Variants in LRP1B observed in about 807,000 individuals in gnomAD.
The protein encoded by LRP1B is LDL receptor related protein 1B.
A neutral mutation model predicts 556.6 loss-of-function variants in LRP1B; 217 were observed. The ratio of observed to expected loss-of-function variants is 0.39; its 90% CI spans 0.35 to 0.44. The LOEUF is 0.44. Ranked by LOEUF, LRP1B falls within the 20% of genes least tolerant of loss-of-function variation. LRP1B has a pLI of 1.00. For missense variants in LRP1B, 5,053 were observed against 5,620.8 expected (o/e 0.90, Z 3.23); for synonymous variants, 2,047 against 1,865.8 (o/e 1.10, Z -2.50).
chr2:140,985,309 T>C (rs527526179), intron 17 of LRP1B, among the ~76,000 whole-genome samples: 21 of 151,666 alleles, frequency 1.4e-4, no homozygotes, highest in Admixed American at 1.1e-3. Flanking sequence ...TGCACTATTA[T>C]TTTGTAAAGA....
intron 35 of LRP1B, among the ~76,000 whole-genome samples, chr2:140,756,794 C>G (rs1417968008): frequency 6.6e-6 from 1 of 152,116 alleles, no homozygotes; most frequent in East Asian, 1.9e-4. Context: ...AAAGCACAAG[C>G]AACAAAAGAA....
In LRP1B at chr2:140,845,745, T is replaced by C. The variant is rs558682013; in HGVS notation, c.4939+4357A>G. Among the ~76,000 whole-genome samples the C allele has an allele frequency of 2.6e-5, 4 of 152,166 alleles. No individual in the cohort carries two copies. In the South Asian group the frequency reaches 8.3e-4, roughly 32 times the overall value. ...TCTTGTGATATTAAAAAATATAATA[T>C]AAAAAAGTAATTTTTGAATGTGTAA... On this transcript the variant is annotated intron_variant, in intron 29 of 90. Coordinates refer to ENST00000389484, the MANE Select transcript of LRP1B (RefSeq NM_018557.3).
intron 65 of LRP1B, among the ~76,000 whole-genome samples, chr2:140,443,473 A>T: frequency 6.6e-6 from 1 of 152,210 alleles, no homozygotes. Flanking sequence ...AAGAACTGGT[A>T]CTGACTTTAT....
intron 7 of LRP1B, among the ~76,000 whole-genome samples, chr2:141,107,466 T>C (rs1488285177): frequency 1.3e-5 from 2 of 152,044 alleles, no homozygotes; most frequent in Non-Finnish European, 2.9e-5. Context: ...GCCAACATGG[T>C]GAAACCCTTT....
rs562158183 is a variant in LRP1B, at chr2:141,872,533, T to A, written c.83-62132A>T. On this transcript the variant is annotated intron_variant, in intron 1 of 90. Transcript: ENST00000389484. ...CCTTAAAGAAAACAAAAGATAGAAT[T>A]AATATTTAAAATCATAATCTAAAAA... 1.1e-4 allele frequency among the ~76,000 whole-genome samples: 16 copies of A among 151,912 alleles called. No individual in the cohort carries two copies. In the South Asian group the frequency reaches 3.3e-3, roughly 31 times the overall value.
At chr2:140,446,177 A>G (rs1210451936) in intron 63 of LRP1B, among the ~76,000 whole-genome samples, 6 of 152,006 alleles carry the variant, frequency 3.9e-5, no homozygotes, top group Admixed American at 3.9e-4. Context: ...CCTTTCCTCT[A>G]TTTCATTTTG....
intron 2 of LRP1B, among the ~76,000 whole-genome samples, chr2:141,691,059 A>C (rs1647868806): frequency 6.6e-6 from 1 of 151,968 alleles, no homozygotes; most frequent in Non-Finnish European, 1.5e-5. Flanking sequence ...ACAGACTTGA[A>C]GAAATGACTT....
intron 18 of LRP1B, among the ~76,000 whole-genome samples, chr2:140,954,791 A>T (rs1695823914): frequency 6.6e-6 from 1 of 152,002 alleles, no homozygotes; most frequent in South Asian, 2.1e-4. Flanking sequence ...TATATATCAT[A>T]TGTGATTAAT....
At chr2:140,450,183 A>G (rs1686827125) in intron 63 of LRP1B, among the ~76,000 whole-genome samples, 1 of 152,158 alleles carries the variant, frequency 6.6e-6, no homozygotes, top group Non-Finnish European at 1.5e-5. Flanking sequence ...TAAAGATAAG[A>G]TTTCAGTAAT....
intron 1 of LRP1B, among the ~76,000 whole-genome samples, chr2:141,971,363 T>G (rs1701728061): frequency 6.6e-6 from 1 of 151,432 alleles, no homozygotes; most frequent in Non-Finnish European, 1.5e-5. Context: ...CCCTCCCTCC[T>G]CAATAAAAGA....
At chr2:140,766,024 TA>T (rs577747429) in intron 35 of LRP1B, among the ~76,000 whole-genome samples, 1 of 150,732 alleles carries the variant, frequency 6.6e-6, no homozygotes, top group East Asian at 2.0e-4. Flanking sequence ...AACAATAAAA[TA>T]AAAAAAAAGA....
At chr2:141,697,219 A>G (rs1691762448) in intron 2 of LRP1B, among the ~76,000 whole-genome samples, 1 of 151,988 alleles carries the variant, frequency 6.6e-6, no homozygotes, top group Admixed American at 6.6e-5. Context: ...TAATTAAAAA[A>G]TAAACAGTAA....
intron 21 of LRP1B, among the ~76,000 whole-genome samples, chr2:140,919,189 A>G (rs1261766130): frequency 2.0e-5 from 3 of 152,072 alleles, no homozygotes; most frequent in Non-Finnish European, 4.4e-5. Context: ...CTTGGATCAC[A>G]ACCTTCATTT....
rs71391651 is a variant in LRP1B, at chr2:141,464,606, A to ATTTTTTTTTTTTTTTTTTT, written c.343+15789_343+15790insAAAAAAAAAAAAAAAAAAA. On this transcript the variant is annotated intron_variant, in intron 3 of 90. Coordinates refer to ENST00000389484, the MANE Select transcript of LRP1B (RefSeq NM_018557.3). ...TTTGTATATATATATATATATATAT[A>ATTTTTTTTTTTTTTTTTTT]TTTTTTTAGTAGAGATGGGGTTTCA... Among the ~76,000 whole-genome samples, 167 of 90,240 alleles carry ATTTTTTTTTTTTTTTTTTT rather than the reference A, an allele frequency of 1.9e-3. 2 individuals are homozygous for ATTTTTTTTTTTTTTTTTTT. The highest frequency in any genetic ancestry group is 5.5e-3 in the Middle Eastern group (1 of 182). 59.2% of individuals were successfully genotyped at this position (90,240 alleles called of 152,430 possible).
intron 7 of LRP1B, among the ~76,000 whole-genome samples, chr2:141,139,357 C>A (rs979113050): frequency 6.6e-6 from 1 of 151,758 alleles, no homozygotes; most frequent in African/African-American, 2.4e-5. Flanking sequence ...TGATAAACTT[C>A]ATCAAATATT....
At chr2:140,957,979 C>T (rs979490) in intron 18 of LRP1B, among the ~76,000 whole-genome samples, 145,551 of 151,494 alleles carry the variant, frequency 0.96, 70,185 homozygotes, top group Non-Finnish European at 1. Context: ...AGCTCTACTT[C>T]CTGTAATTCA....
Position 141,231,081 on chromosome 2 carries a change from G to A in LRP1B, c.593-1641C>T, listed in dbSNP as rs939665777. ...AAAATAATTTATTTAACCTATGAAG[G>A]GAATTCAGAGTATGACTAGCTATTC... On this transcript the variant is annotated intron_variant, in intron 5 of 90. Transcript: ENST00000389484. Among the ~76,000 whole-genome samples the A allele has an allele frequency of 3.9e-5, 6 of 152,084 alleles. No homozygotes were observed. The South Asian group carries it at 1.2e-3, about 32-fold the overall frequency.
chr2:140,654,332 C>A (rs1160943793), intron 41 of LRP1B, among the ~76,000 whole-genome samples: 2 of 151,850 alleles, frequency 1.3e-5, no homozygotes, highest in South Asian at 2.1e-4. Context: ...CTATTGTGAG[C>A]AAATTATGAC....
chr2:140,387,918 G>A (rs1248020191), intron 66 of LRP1B, among the ~76,000 whole-genome samples: 2 of 149,832 alleles, frequency 1.3e-5, no homozygotes, highest in Non-Finnish European at 3.0e-5. Flanking sequence ...CTCCTTGCAT[G>A]TGTTGCTTGT....
Sources: allele counts gnomAD v4.1 joint callset (sites outside exome capture counted in the v4.1 genomes callset), GRCh38; gene constraint gnomAD v4.1.1; transcripts MANE v1.5; gene names NCBI Gene and HGNC (gene_info 2026-07-23, HGNC 2026-07-21).